Variants in AKNAD1 observed in about 807,000 individuals in gnomAD.
AKNAD1 encodes protein AKNAD1.
A neutral mutation model predicts 90.8 loss-of-function variants in AKNAD1; 67 were observed. That is an observed-to-expected ratio of 0.74 (90% CI 0.61 to 0.90). The LOEUF is 0.90. Ranked by LOEUF, AKNAD1 falls within the 40% of genes least tolerant of loss-of-function variation. The pLI, the probability that AKNAD1 is intolerant of heterozygous loss-of-function variation, is 0.00. For missense variants in AKNAD1, 957 were observed against 975.4 expected, an observed-to-expected ratio of 0.98 and a Z score of 0.25; for synonymous variants, 327 against 341.4, an observed-to-expected ratio of 0.96 and a Z score of 0.46.
chr1:108,832,084 G>A (rs980075579), intron 9 of AKNAD1, among the ~76,000 whole-genome samples: 5 of 152,038 alleles, frequency 3.3e-5, no homozygotes, highest in East Asian at 1.9e-4. Context: ...ATCCTGGCAC[G>A]TTGTCGCCAT....
chr1:108,841,473 A>G (rs1664550718), intron 6 of AKNAD1, among the ~76,000 whole-genome samples: 1 of 152,166 alleles, frequency 6.6e-6, no homozygotes, highest in South Asian at 2.1e-4. Context: ...TGAAGTTAAT[A>G]TGTGAAAGAA....
intron 7 of AKNAD1, 57 bp downstream of exon 7, chr1:108,837,492 TA>T: frequency 6.6e-7 from 1 of 1,524,636 alleles, no homozygotes; most frequent in Non-Finnish European, 8.9e-7. Flanking sequence ...TAGGAGTCTA[TA>T]AATGCAAAAA....
intron 10 of AKNAD1, among the ~76,000 whole-genome samples, chr1:108,827,682 T>C (rs764418816): frequency 6.6e-6 from 1 of 150,378 alleles, no homozygotes; most frequent in Non-Finnish European, 1.5e-5. Flanking sequence ...GGCGCCGTAG[T>C]GGGTGCCTGT....
At chr1:108,854,706 G>A in intron 1 of AKNAD1, among the ~76,000 whole-genome samples, 1 of 152,198 alleles carries the variant, frequency 6.6e-6, no homozygotes, top group African/African-American at 2.4e-5. Flanking sequence ...TTAGTATAAA[G>A]TGAGGCATGT....
chr1:108,835,903 C>T (rs927668300), intron 7 of AKNAD1, among the ~76,000 whole-genome samples: 4 of 152,148 alleles, frequency 2.6e-5, no homozygotes, highest in Non-Finnish European at 4.4e-5. Flanking sequence ...GAATTACAGG[C>T]GTGAGCCACC....
In AKNAD1 at chr1:108,832,914, C is replaced by A. The variant is rs116214962; in HGVS notation, c.1746+1533G>T. On this transcript the variant is annotated intron_variant, in intron 9 of 15. Coordinates refer to ENST00000370001, the MANE Select transcript of AKNAD1 (RefSeq NM_152763.5). ...TAAACCCCCATGGACTTCCTAAAGGCCAGATTATCAGAATTTTCAGCATGT... is the reference window on the plus strand; with the variant it reads ...TAAACCCCCATGGACTTCCTAAAGGACAGATTATCAGAATTTTCAGCATGT... Among the ~76,000 whole-genome samples, 558 of 152,242 alleles carry A rather than the reference C, an allele frequency of 3.7e-3. 6 individuals carry two copies. Among genetic ancestry groups the A allele is most frequent in the African/African-American group, 0.013 (541 of 41,532 alleles).
chr1:108,816,975 C>A, intron 15 of AKNAD1, 73 bp downstream of exon 15: 1 of 1,555,294 alleles, frequency 6.4e-7, no homozygotes. Context: ...AACTTAAGAG[C>A]TGCCAGTTCT....
Position 108,851,975 on chromosome 1 carries a change from C to A in AKNAD1, c.690G>T (p.Gly230=). 1 of 1,614,174 alleles carries A rather than the reference C, an allele frequency of 6.2e-7. No individual in the cohort carries two copies. Among genetic ancestry groups the A allele is most frequent in the Non-Finnish European group, 8.5e-7 (1 of 1,180,028 alleles). ...CAGTCTGCTGTTTCTGGGGTGACTG[C>A]CCTTGATAACTTTTTTGTTTATCAC... The part of the protein sequence containing the change: ...GPGDKQKSYQ[G]QSPQKQQTEK... Residue 230 remains glycine, a synonymous_variant, in exon 2 of 16, where the codon GGG becomes GGT. Transcript: ENST00000370001.
intron 4 of AKNAD1, 38 bp from the exon 5 acceptor site, chr1:108,848,852 G>A: frequency 6.2e-7 from 1 of 1,601,716 alleles, no homozygotes; most frequent in Non-Finnish European, 8.5e-7. Context: ...TTAATGGCAT[G>A]GTTTCTCATG....
chr1:108,832,181 C>T (rs972786907), intron 9 of AKNAD1, among the ~76,000 whole-genome samples: 1 of 142,158 alleles, frequency 7.0e-6, no homozygotes, highest in Non-Finnish European at 1.5e-5. Flanking sequence ...GGGATTTTAA[C>T]TTTTACCTAT....
In AKNAD1 at chr1:108,816,189, C is replaced by G. The variant is rs769163754; in HGVS notation, c.2493G>C (p.Arg831Ser). The change falls in exon 16 of 16, where the codon AGG becomes AGC. Residue 831 changes from arginine (R) to serine (S), a missense_variant. Transcript: ENST00000370001. ...AEDLAKAQRW[R>S]NRLKY ...CGTTGAACTAGTATTTCAGTCGATTCCTCCACCTCTGTGCTTTAGCAAGGT... is the reference window on the plus strand; with the variant it reads ...CGTTGAACTAGTATTTCAGTCGATTGCTCCACCTCTGTGCTTTAGCAAGGT... The G allele has an allele frequency of 6.2e-7, 1 of 1,606,504 alleles. No homozygotes were observed. The highest frequency in any genetic ancestry group is 2.2e-5 in the East Asian group (1 of 44,524).
At chr1:108,832,877 G>A (rs1216676717) in intron 9 of AKNAD1, among the ~76,000 whole-genome samples, 1 of 152,112 alleles carries the variant, frequency 6.6e-6, no homozygotes, top group Non-Finnish European at 1.5e-5. Flanking sequence ...CCCACGCACT[G>A]CCCTCAGCCT....
chr1:108,823,114 TGCACTGGTGTA>T lies in AKNAD1; in HGVS notation c.2167+245_2167+255del, dbSNP rs1389821307. 2.5e-5 allele frequency: 17 copies of T among 678,426 alleles called. No homozygotes were observed. The Admixed American group carries it at 4.0e-4, about 16-fold the overall frequency. 42.0% of individuals were successfully genotyped at this position (678,426 alleles called of 1,614,324 possible). The stretch of plus-strand genomic sequence containing the variant: ...AAACATTTATGGGTTGCTACCAACT[TGCACTGGTGTA>T]GCCCTTAATAACTTTCAAAGTCCTT... On this transcript the variant is annotated intron_variant, in intron 13 of 15. Coordinates refer to ENST00000370001, the MANE Select transcript of AKNAD1 (RefSeq NM_152763.5).
At chr1:108,828,600 C>T (rs1664088159) in intron 10 of AKNAD1, among the ~76,000 whole-genome samples, 1 of 151,858 alleles carries the variant, frequency 6.6e-6, no homozygotes, top group Non-Finnish European at 1.5e-5. Context: ...CCGCGCTGTG[C>T]CCTGGCCTGC....
chr1:108,839,179 T>C (rs897237664), intron 6 of AKNAD1, among the ~76,000 whole-genome samples: 2 of 152,148 alleles, frequency 1.3e-5, no homozygotes, highest in African/African-American at 4.8e-5. Flanking sequence ...ATTATTAGAC[T>C]CTTCCAGAAC....
rs755514061 is a variant in AKNAD1 at position 108,852,284 on chromosome 1, G to T, written c.381C>A (p.Gly127=). The T allele has an allele frequency of 6.8e-6, 11 of 1,614,108 alleles. No homozygotes were observed. Among genetic ancestry groups the T allele is most frequent in the Non-Finnish European group, 9.3e-6 (11 of 1,180,022 alleles). The change falls in exon 2 of 16, where the codon GGC becomes GGA. Residue 127 remains glycine (G), a synonymous_variant. Coordinates refer to ENST00000370001, the MANE Select transcript of AKNAD1 (RefSeq NM_152763.5). The part of the protein sequence containing the change: ...LSKEPFLRGQ[G]IDCETLPEIS... ...TCTCTGGGAGGGTTTCACAATCAAT[G>T]CCTTGACCTCTTAAGAATGGCTCTT...
chr1:108,847,794 C>T (rs900037991), intron 5 of AKNAD1, among the ~76,000 whole-genome samples: 18 of 152,214 alleles, frequency 1.2e-4, no homozygotes, highest in Admixed American at 6.5e-5. Context: ...TGAGCCTCTT[C>T]TAGGCTGCCA....
chr1:108,837,452 T>A, intron 7 of AKNAD1, 98 bp downstream of exon 7: 1 of 1,217,374 alleles, frequency 8.2e-7, no homozygotes, highest in Non-Finnish European at 1.1e-6. Context: ...TCATGAGATA[T>A]TAAAAATGGA....
chr1:108,825,686 A>T (rs750048738), intron 11 of AKNAD1, among the ~76,000 whole-genome samples: 7 of 151,648 alleles, frequency 4.6e-5, no homozygotes, highest in Non-Finnish European at 7.4e-5. Context: ...TAATGTATAG[A>T]TTACTAGTCA....
Sources: gnomAD v4.1 joint callset for allele counts (sites outside exome capture counted in the v4.1 genomes callset) on GRCh38, gnomAD v4.1.1 for gene constraint, MANE v1.5 for transcripts, NCBI Gene and HGNC (gene_info 2026-07-23, HGNC 2026-07-21) for gene names.